GPC5: variants seen among roughly 807,000 people sequenced by gnomAD.
The protein encoded by GPC5 is glypican 5, also known as glypican-5.
GPC5 carries 47 observed loss-of-function variants against 53.9 expected under a neutral mutation model. The ratio of observed to expected loss-of-function variants is 0.87; its 90% CI spans 0.69 to 1.11. GPC5 has a LOEUF of 1.11. GPC5 is among the 50% of genes most tolerant of loss of function. GPC5 has a pLI of 0.00. For synonymous variants in GPC5, 286 were observed against 263.3 expected (o/e 1.09, Z -0.84); for missense variants, 748 against 713.1 (o/e 1.05, Z -0.56).
chr13:91,432,505 G>T lies in GPC5; in HGVS notation c.164-16256G>T, dbSNP rs74106747. ...CTGTACTCAATCTGTTGAAGGATCA[G>T]TGATACCATTTATGTATATGAGGGG... is the stretch of plus-strand genomic sequence containing the variant. On this transcript the variant is annotated intron_variant, in intron 1 of 7. Coordinates refer to ENST00000377067, the MANE Select transcript of GPC5 (RefSeq NM_004466.6). Among the ~76,000 whole-genome samples the T allele has an allele frequency of 4.6e-5, 7 of 152,038 alleles. No individual in the cohort carries two copies. In the South Asian group the frequency reaches 1.4e-3, roughly 31 times the overall value.
intron 2 of GPC5, among the ~76,000 whole-genome samples, chr13:91,510,459 T>C (rs1224959754): frequency 1.3e-5 from 2 of 152,230 alleles, no homozygotes; most frequent in East Asian, 3.8e-4. Flanking sequence ...CTGATAACCA[T>C]AATGCCAGGC....
intron 7 of GPC5, among the ~76,000 whole-genome samples, chr13:92,492,767 A>G (rs1353548452): frequency 2.0e-5 from 3 of 152,156 alleles, no homozygotes; most frequent in Admixed American, 2.0e-4. Context: ...TCTTGAAACA[A>G]TTTTTAGCAT....
intron 2 of GPC5, among the ~76,000 whole-genome samples, chr13:91,632,620 G>A (rs2034186817): frequency 6.6e-6 from 1 of 152,102 alleles, no homozygotes; most frequent in Non-Finnish European, 1.5e-5. Flanking sequence ...GAACCTCAAA[G>A]CGAAGTCAGT....
intron 5 of GPC5, among the ~76,000 whole-genome samples, chr13:91,889,765 G>A (rs2138965981): frequency 6.6e-6 from 1 of 152,214 alleles, no homozygotes; most frequent in East Asian, 1.9e-4. Context: ...TGGAACTAGA[G>A]GATGATTAAA....
intron 7 of GPC5, among the ~76,000 whole-genome samples, chr13:92,334,639 C>T (rs2139239483): frequency 6.6e-6 from 1 of 152,254 alleles, no homozygotes; most frequent in Non-Finnish European, 1.5e-5. Flanking sequence ...CTCCTATGAG[C>T]CTGTAAAATC....
intron 7 of GPC5, among the ~76,000 whole-genome samples, chr13:92,351,225 CA>C (rs1321560094): frequency 3.3e-5 from 5 of 151,532 alleles, no homozygotes; most frequent in African/African-American, 1.2e-4. Context: ...AAATAAATAA[CA>C]AACGTACAAA....
At chr13:91,544,532 T>C (rs901129879) in intron 2 of GPC5, among the ~76,000 whole-genome samples, 1 of 152,222 alleles carries the variant, frequency 6.6e-6, no homozygotes, top group Non-Finnish European at 1.5e-5. Flanking sequence ...CACATCAACA[T>C]ACAGTCATTA....
chr13:92,751,137 C>G (rs971482385), intron 7 of GPC5, among the ~76,000 whole-genome samples: 1 of 151,532 alleles, frequency 6.6e-6, no homozygotes, highest in African/African-American at 2.4e-5. Context: ...TATTAGAAGT[C>G]CAATTTAAGA....
chr13:92,214,472 G>T (rs1050182702), intron 7 of GPC5, among the ~76,000 whole-genome samples: 46 of 152,030 alleles, frequency 3.0e-4, no homozygotes, highest in African/African-American at 1.1e-3. Context: ...CTTGATTTAG[G>T]TCCATAATTT....
chr13:91,828,232 C>T (rs1401746275), intron 5 of GPC5, among the ~76,000 whole-genome samples: 1 of 151,996 alleles, frequency 6.6e-6, no homozygotes, highest in Non-Finnish European at 1.5e-5. Flanking sequence ...TTTTCAAAAA[C>T]TCATTGAATG....
At chr13:92,033,658 AT>A (rs2040871133) in intron 6 of GPC5, among the ~76,000 whole-genome samples, 1 of 152,224 alleles carries the variant, frequency 6.6e-6, no homozygotes, top group Non-Finnish European at 1.5e-5. Flanking sequence ...CAGTGTCAAT[AT>A]TAGTAAAACA....
At chr13:92,816,625 T>C (rs1467902362) in intron 7 of GPC5, among the ~76,000 whole-genome samples, 1 of 152,054 alleles carries the variant, frequency 6.6e-6, no homozygotes, top group African/African-American at 2.4e-5. Flanking sequence ...TAGTCAGTGA[T>C]GGTTTGGTTT....
At chr13:92,328,900 G>A (rs767763571) in intron 7 of GPC5, among the ~76,000 whole-genome samples, 2 of 152,052 alleles carry the variant, frequency 1.3e-5, no homozygotes, top group African/African-American at 4.8e-5. Context: ...ACAATGGCAT[G>A]GTGCTTTTCC....
At chr13:92,789,058 C>T (rs571874532) in intron 7 of GPC5, among the ~76,000 whole-genome samples, 2 of 152,288 alleles carry the variant, frequency 1.3e-5, no homozygotes, top group South Asian at 4.1e-4. Flanking sequence ...AGCGTATTTG[C>T]TCAATATTTC....
chr13:92,707,316 G>T (rs1887986577), intron 7 of GPC5, among the ~76,000 whole-genome samples: 1 of 152,078 alleles, frequency 6.6e-6, no homozygotes, highest in African/African-American at 2.4e-5. Context: ...TTTAGAAGTG[G>T]ATAATGAAAG....
At chr13:91,907,455 T>A (rs2039565483) in intron 5 of GPC5, among the ~76,000 whole-genome samples, 1 of 144,148 alleles carries the variant, frequency 6.9e-6, no homozygotes, top group Non-Finnish European at 1.5e-5. Context: ...AAGTATATAC[T>A]ACTATATAAT....
intron 7 of GPC5, among the ~76,000 whole-genome samples, chr13:92,340,868 T>C (rs1166693089): frequency 1.3e-5 from 2 of 152,140 alleles, no homozygotes; most frequent in African/African-American, 4.8e-5. Flanking sequence ...TTGTACTATA[T>C]AGCATTTAGT....
At chr13:92,312,606 C>T (rs2043152445) in intron 7 of GPC5, among the ~76,000 whole-genome samples, 1 of 152,050 alleles carries the variant, frequency 6.6e-6, no homozygotes, top group Non-Finnish European at 1.5e-5. Context: ...TGAATGAAAT[C>T]CATCAAGTCT....
intron 7 of GPC5, among the ~76,000 whole-genome samples, chr13:92,205,309 A>ATGAT (rs1248607327): frequency 2.0e-5 from 3 of 152,144 alleles, no homozygotes; most frequent in African/African-American, 4.8e-5. Flanking sequence ...TTACATAGGC[A>ATGAT]TGATTGATTG....
Sources: allele counts gnomAD v4.1 joint callset (sites outside exome capture counted in the v4.1 genomes callset), GRCh38; gene constraint gnomAD v4.1.1; transcripts MANE v1.5; gene names NCBI Gene and HGNC (gene_info 2026-07-23, HGNC 2026-07-21).